Variants in CDKAL1 observed in about 807,000 individuals in gnomAD.
The protein encoded by CDKAL1 is threonylcarbamoyladenosine tRNA methylthiotransferase.
In CDKAL1, 32 loss-of-function variants were observed where a neutral mutation model predicts 68.2. The ratio of observed to expected loss-of-function variants is 0.47; its 90% CI spans 0.35 to 0.63. The LOEUF is 0.63. Ranked by LOEUF, CDKAL1 falls within the 30% of genes least tolerant of loss-of-function variation. The pLI is 0.00. For synonymous variants in CDKAL1, 234 were observed against 244.3 expected (o/e 0.96, Z 0.39); for missense variants, 606 against 696.7 (o/e 0.87, Z 1.47).
chr6:21,190,864 C>A lies in CDKAL1; in HGVS notation c.1300-7157C>A, dbSNP rs141315435. Among the ~76,000 whole-genome samples the A allele has an allele frequency of 1.1e-4, 17 of 152,208 alleles. No individual in the cohort carries two copies. The East Asian group carries it at 3.3e-3, about 29-fold the overall frequency. On this transcript the variant is annotated intron_variant, in intron 13 of 15. Coordinates refer to ENST00000274695, the MANE Select transcript of CDKAL1 (RefSeq NM_017774.3). ...TCTATTTAAATAGTAATATTGAAAT[C>A]TTTTTGTAACTCAGCATCTCAGAAT...
intron 4 of CDKAL1, among the ~76,000 whole-genome samples, chr6:20,625,421 A>G (rs1041449300): frequency 3.9e-5 from 6 of 152,074 alleles, no homozygotes; most frequent in Non-Finnish European, 8.8e-5. Context: ...GGTGTGTGTT[A>G]GTCTTGTGTG....
chr6:20,986,427 T>G (rs1766454039), intron 10 of CDKAL1, among the ~76,000 whole-genome samples: 1 of 152,164 alleles, frequency 6.6e-6, no homozygotes, highest in East Asian at 1.9e-4. Flanking sequence ...TTTTCAAAAT[T>G]TAAAGAAACA....
chr6:20,626,845 A>C (rs541095385), intron 4 of CDKAL1, among the ~76,000 whole-genome samples: 1 of 152,290 alleles, frequency 6.6e-6, no homozygotes, highest in East Asian at 1.9e-4. Flanking sequence ...GGGAACCAAA[A>C]GCCTTCCTGG....
intron 9 of CDKAL1, among the ~76,000 whole-genome samples, chr6:20,850,624 G>C (rs1758955090): frequency 6.6e-6 from 1 of 152,026 alleles, no homozygotes. Context: ...TTTTGATAGA[G>C]ACAGGGTTTT....
At chr6:21,192,241 T>C (rs1055624819) in intron 13 of CDKAL1, among the ~76,000 whole-genome samples, 19 of 150,860 alleles carry the variant, frequency 1.3e-4, no homozygotes, top group African/African-American at 4.4e-4. Flanking sequence ...CAGGATGGTC[T>C]CGATCTCCTG....
chr6:20,905,375 G>A (rs187236548), intron 9 of CDKAL1, among the ~76,000 whole-genome samples: 1 of 152,098 alleles, frequency 6.6e-6, no homozygotes, highest in Non-Finnish European at 1.5e-5. Flanking sequence ...TTGAAAATAG[G>A]ACAATCAAAA....
intron 13 of CDKAL1, among the ~76,000 whole-genome samples, chr6:21,181,214 C>T (rs991916546): frequency 1.2e-4 from 19 of 152,146 alleles, no homozygotes; most frequent in African/African-American, 4.1e-4. Flanking sequence ...AGCTTATGAC[C>T]GAATCACCAC....
intron 15 of CDKAL1, among the ~76,000 whole-genome samples, chr6:21,217,474 AT>A (rs1443728865): frequency 6.7e-6 from 1 of 148,706 alleles, no homozygotes; most frequent in Non-Finnish European, 1.5e-5. Flanking sequence ...TTTATTTTTT[AT>A]TTTTTATTTT....
intron 5 of CDKAL1, among the ~76,000 whole-genome samples, chr6:20,707,547 T>C (rs977472714): frequency 4.6e-5 from 7 of 152,224 alleles, no homozygotes; most frequent in Non-Finnish European, 7.3e-5. Flanking sequence ...TTACCCACTG[T>C]GGTGGGGTAA....
intron 11 of CDKAL1, among the ~76,000 whole-genome samples, chr6:21,037,792 A>G (rs1769672963): frequency 6.6e-6 from 1 of 151,014 alleles, no homozygotes; most frequent in East Asian, 1.9e-4. Flanking sequence ...CTTTGCCACT[A>G]AAGATTATGC....
chr6:21,004,879 T>C (rs745703959), intron 11 of CDKAL1, among the ~76,000 whole-genome samples: 1 of 152,200 alleles, frequency 6.6e-6, no homozygotes, highest in South Asian at 2.1e-4. Flanking sequence ...GGAGGATCAC[T>C]GGAGCCTGGA....
chr6:21,146,731 G>T (rs1194110740), intron 13 of CDKAL1, among the ~76,000 whole-genome samples: 1 of 151,542 alleles, frequency 6.6e-6, no homozygotes, highest in Admixed American at 6.6e-5. Context: ...GGCACCTGTA[G>T]TCCCAGCTAC....
At chr6:20,703,728 A>G (rs867149767) in intron 5 of CDKAL1, among the ~76,000 whole-genome samples, 7 of 152,296 alleles carry the variant, frequency 4.6e-5, no homozygotes, top group Middle Eastern at 3.4e-3. Flanking sequence ...ATGATATAAT[A>G]GTAAAAATTA....
chr6:20,580,091 C>T (rs548213896), intron 4 of CDKAL1, among the ~76,000 whole-genome samples: 2 of 152,182 alleles, frequency 1.3e-5, no homozygotes, highest in South Asian at 2.1e-4. Flanking sequence ...ACCATAGGGA[C>T]GGTCTGTGAA....
intron 9 of CDKAL1, among the ~76,000 whole-genome samples, chr6:20,940,346 A>G (rs1181266985): frequency 1.3e-5 from 2 of 152,214 alleles, no homozygotes; most frequent in African/African-American, 4.8e-5. Context: ...TATGTGAATT[A>G]AAATTCATGT....
intron 4 of CDKAL1, among the ~76,000 whole-genome samples, chr6:20,550,068 T>A (rs1763758144): frequency 6.6e-6 from 1 of 151,818 alleles, no homozygotes; most frequent in East Asian, 1.9e-4. Flanking sequence ...AACCTCTGCC[T>A]CCGGGGTTCA....
At chr6:20,809,896 G>T (rs141332805) in intron 8 of CDKAL1, among the ~76,000 whole-genome samples, 1 of 152,116 alleles carries the variant, frequency 6.6e-6, no homozygotes, top group African/African-American at 2.4e-5. Context: ...CTTATGAATA[G>T]AAATTATTCA....
At chr6:21,009,675 T>C (rs757371281) in intron 11 of CDKAL1, among the ~76,000 whole-genome samples, 28 of 151,898 alleles carry the variant, frequency 1.8e-4, no homozygotes, top group Non-Finnish European at 1.6e-4. Context: ...ATAAAAAGAG[T>C]GAAATTTTGT....
At chr6:20,847,329 C>T (rs953656175) in intron 9 of CDKAL1, among the ~76,000 whole-genome samples, 2 of 152,156 alleles carry the variant, frequency 1.3e-5, no homozygotes, top group Admixed American at 6.5e-5. Context: ...ATAACCAATA[C>T]TTCCAAGGAT....
Sources: gnomAD v4.1 joint callset for allele counts (sites outside exome capture counted in the v4.1 genomes callset) on GRCh38, gnomAD v4.1.1 for gene constraint, MANE v1.5 for transcripts, NCBI Gene and HGNC (gene_info 2026-07-23, HGNC 2026-07-21) for gene names.